The following AGBL4 variants were observed in gnomAD, a reference collection of about 807,000 sequenced individuals.
AGBL4 encodes AGBL carboxypeptidase 4.
In AGBL4, 58 loss-of-function variants were observed where a neutral mutation model predicts 66.4. The observed-to-expected ratio is 0.87, with a 90% CI of 0.71 to 1.09. AGBL4 has a LOEUF of 1.09. Among genes scored for constraint, AGBL4 ranks in the 50% least tolerant of loss-of-function variants. The probability of loss-of-function intolerance (pLI) is 0.00; values close to 1 mark genes in which losing one functional copy is unlikely to be tolerated. For synonymous variants in AGBL4, 234 were observed against 222.9 expected (o/e 1.05, Z -0.44); for missense variants, 579 against 631.0 (o/e 0.92, Z 0.88).
intron 4 of AGBL4, among the ~76,000 whole-genome samples, chr1:49,242,570 A>C (rs1159392119): frequency 6.6e-6 from 1 of 151,988 alleles, no homozygotes; most frequent in Non-Finnish European, 1.5e-5. Context: ...CCTAGCACAC[A>C]GTAATGAACA....
intron 6 of AGBL4, among the ~76,000 whole-genome samples, chr1:48,809,765 C>A (rs755196772): frequency 6.6e-6 from 1 of 152,180 alleles, no homozygotes; most frequent in Non-Finnish European, 1.5e-5. Context: ...GAGGTAATTT[C>A]CAAAGACGGG....
chr1:49,877,699 T>C (rs1326177285), intron 1 of AGBL4, among the ~76,000 whole-genome samples: 2 of 152,050 alleles, frequency 1.3e-5, no homozygotes, highest in Non-Finnish European at 2.9e-5. Flanking sequence ...GGATTCCCTC[T>C]TTTTCTATTG....
At chr1:49,988,265 T>C (rs922863846) in intron 1 of AGBL4, among the ~76,000 whole-genome samples, 23 of 152,280 alleles carry the variant, frequency 1.5e-4, no homozygotes, top group Admixed American at 7.2e-4. Flanking sequence ...GCAATTCTAA[T>C]CAAGTTTTTA....
intron 1 of AGBL4, chr1:49,994,940 G>C (rs759767769): frequency 2.2e-5 from 8 of 356,344 alleles, no homozygotes; most frequent in South Asian, 1.7e-4. Flanking sequence ...TATAAGAGAT[G>C]AGCGAAATAT....
At chr1:49,465,210 T>TACACACACACACACACACAC (rs3054630) in intron 3 of AGBL4, among the ~76,000 whole-genome samples, 1 of 116,792 alleles carries the variant, frequency 8.6e-6, no homozygotes, top group Non-Finnish European at 1.8e-5. Context: ...TACCCCTACA[T>TACACACACACACACACACAC]ACACACACAC....
intron 4 of AGBL4, among the ~76,000 whole-genome samples, chr1:49,229,223 A>G (rs1414006033): frequency 1.3e-5 from 2 of 152,218 alleles, no homozygotes; most frequent in East Asian, 3.8e-4. Flanking sequence ...TGTGCATACC[A>G]TGAATCAAGG....
At chr1:48,647,050 G>T (rs1310812896) in intron 8 of AGBL4, among the ~76,000 whole-genome samples, 1 of 152,124 alleles carries the variant, frequency 6.6e-6, no homozygotes, top group Non-Finnish European at 1.5e-5. Context: ...CTGACACCCA[G>T]CAGGACCTCA....
chr1:49,226,770 A>G lies in AGBL4; in HGVS notation c.377+19000T>C, dbSNP rs535644825. Among the ~76,000 whole-genome samples the G allele has an allele frequency of 2.7e-4, 41 of 152,316 alleles. 1 individual carries two copies. The South Asian group carries it at 5.2e-3, about 19-fold the overall frequency. The stretch of plus-strand genomic sequence containing the variant: ...GGTCCTTCCTTAAATTCAAATTTCT[A>G]TCTTTGAAATATGTACATGTCCTTT... On this transcript the variant is annotated intron_variant, in intron 4 of 13. Transcript: ENST00000371839.
chr1:49,844,614 C>T, intron 2 of AGBL4: 3 of 1,390,314 alleles, frequency 2.2e-6, no homozygotes, highest in Non-Finnish European at 1.9e-6. Context: ...TTTCATCCTT[C>T]CTCTTCCCAT....
chr1:48,702,316 C>A (rs1040073579), intron 6 of AGBL4, among the ~76,000 whole-genome samples: 1 of 151,512 alleles, frequency 6.6e-6, no homozygotes, highest in African/African-American at 2.4e-5. Context: ...TTTTTTGAGT[C>A]AGTCTTGCTC....
chr1:48,963,764 C>T (rs1328151237), intron 5 of AGBL4, among the ~76,000 whole-genome samples: 2 of 152,118 alleles, frequency 1.3e-5, no homozygotes, highest in Non-Finnish European at 2.9e-5. Context: ...GCTTGAGCAA[C>T]AGATTAAGGT....
rs538905256 is a variant in AGBL4 at position 48,696,875 on chromosome 1, G to C, written c.635-33634C>G. On this transcript the variant is annotated intron_variant, in intron 6 of 13. Coordinates refer to ENST00000371839, the MANE Select transcript of AGBL4 (RefSeq NM_032785.4). The stretch of plus-strand genomic sequence containing the variant: ...CCTTGAAATATCTTAGCCACCTCCC[G>C]GTGTCCCTGACTTCCTTCTCCGTGG... Among the ~76,000 whole-genome samples the C allele has an allele frequency of 3.3e-5, 5 of 152,232 alleles. No individual in the cohort carries two copies. The East Asian group carries it at 9.6e-4, about 29-fold the overall frequency.
At chr1:49,897,035 C>A (rs1649294516) in intron 1 of AGBL4, among the ~76,000 whole-genome samples, 1 of 152,032 alleles carries the variant, frequency 6.6e-6, no homozygotes, top group South Asian at 2.1e-4. Flanking sequence ...AAAGTCTATC[C>A]TCTAAGATCT....
intron 2 of AGBL4, among the ~76,000 whole-genome samples, chr1:49,744,238 A>T (rs979986722): frequency 6.6e-6 from 1 of 152,044 alleles, no homozygotes; most frequent in Non-Finnish European, 1.5e-5. Context: ...TGTTCTCATG[A>T]TAGTGAGTGA....
At chr1:49,583,940 A>G (rs761465629) in intron 3 of AGBL4, among the ~76,000 whole-genome samples, 3 of 151,892 alleles carry the variant, frequency 2.0e-5, no homozygotes, top group Admixed American at 2.0e-4. Flanking sequence ...TAAAAAACCA[A>G]CTCCAGAGAT....
At chr1:49,565,187 G>C (rs1246745684) in intron 3 of AGBL4, among the ~76,000 whole-genome samples, 2 of 151,958 alleles carry the variant, frequency 1.3e-5, no homozygotes, top group Non-Finnish European at 2.9e-5. Context: ...TTTATTTTGA[G>C]CCTATGTGTG....
intron 5 of AGBL4, among the ~76,000 whole-genome samples, chr1:48,901,000 A>G (rs1172699020): frequency 6.7e-6 from 1 of 148,674 alleles, no homozygotes; most frequent in African/African-American, 2.4e-5. Flanking sequence ...GAATATGTAT[A>G]TAAAAACTCT....
At chr1:48,756,812 T>C (rs1218577581) in intron 6 of AGBL4, among the ~76,000 whole-genome samples, 3 of 152,138 alleles carry the variant, frequency 2.0e-5, no homozygotes, top group Non-Finnish European at 4.4e-5. Flanking sequence ...CCTGAGAGGA[T>C]AGGGTGGGTG....
At chr1:49,238,966 C>G (rs1240379095) in intron 4 of AGBL4, among the ~76,000 whole-genome samples, 7 of 152,112 alleles carry the variant, frequency 4.6e-5, no homozygotes, top group Non-Finnish European at 8.8e-5. Context: ...TCAGAGTTTT[C>G]TATGTTTGTT....
Sources: allele counts gnomAD v4.1 joint callset (sites outside exome capture counted in the v4.1 genomes callset), GRCh38; gene constraint gnomAD v4.1.1; transcripts MANE v1.5; gene names NCBI Gene and HGNC (gene_info 2026-07-23, HGNC 2026-07-21).